MARCHF7: variants seen among roughly 807,000 people sequenced by gnomAD.
MARCHF7 encodes the protein membrane associated ring-CH-type finger 7, also known as E3 ubiquitin-protein ligase MARCHF7.
A neutral mutation model predicts 76.5 loss-of-function variants in MARCHF7; 20 were observed. The observed-to-expected ratio is 0.26, with a 90% CI of 0.18 to 0.38. MARCHF7 has a LOEUF of 0.38. MARCHF7 is among the 10% of genes least tolerant of loss of function. The pLI, the probability that MARCHF7 is intolerant of heterozygous loss-of-function variation, is 1.00. For synonymous variants in MARCHF7, 295 were observed against 293.0 expected (o/e 1.01, Z -0.07); for missense variants, 797 against 812.9 (o/e 0.98, Z 0.24).
In MARCHF7 at chr2:159,748,805, T is replaced by C. The variant is rs1197559856; in HGVS notation, c.1515T>C (p.Asp505=). ...CCGACAATGTCATGATCACAGTAGATATTATTCCTTCAGGTTGGAATTCAG... is the reference window on the plus strand; with the variant it reads ...CCGACAATGTCATGATCACAGTAGACATTATTCCTTCAGGTTGGAATTCAG... ...NLTDNVMITV[D]IIPSGWNSAD... is the part of the protein sequence containing the mutation. The change falls in exon 7 of 12, where the codon GAT becomes GAC. Residue 505 remains aspartate, a synonymous_variant. Transcript: ENST00000409175. The C allele has an allele frequency of 6.2e-7, 1 of 1,614,162 alleles. No homozygotes were observed. Among genetic ancestry groups the C allele is most frequent in the South Asian group, 1.1e-5 (1 of 91,086 alleles).
At chr2:159,737,246 G>A (rs1169495678) in intron 4 of MARCHF7, among the ~76,000 whole-genome samples, 2 of 152,118 alleles carry the variant, frequency 1.3e-5, no homozygotes, top group Non-Finnish European at 2.9e-5. Context: ...CACAGAATGA[G>A]AGAAAATATT....
At chr2:159,724,659 C>T (rs976681727) in intron 3 of MARCHF7, among the ~76,000 whole-genome samples, 1 of 152,068 alleles carries the variant, frequency 6.6e-6, no homozygotes, top group African/African-American at 2.4e-5. Context: ...TCTTTGTATT[C>T]TCACACATCC....
intron 4 of MARCHF7, among the ~76,000 whole-genome samples, chr2:159,741,330 AAC>A (rs1704097201): frequency 6.6e-6 from 1 of 152,192 alleles, no homozygotes; most frequent in African/African-American, 2.4e-5. Context: ...CAGCCTGGGC[AAC>A]AGAGTGAGAT....
At chr2:159,751,188 G>A (rs1215065143) in intron 7 of MARCHF7, among the ~76,000 whole-genome samples, 2 of 152,194 alleles carry the variant, frequency 1.3e-5, no homozygotes, top group Non-Finnish European at 2.9e-5. Flanking sequence ...ATTAATTTAA[G>A]TACAGTAGTG....
chr2:159,737,124 G>T (rs1703549742), intron 4 of MARCHF7, among the ~76,000 whole-genome samples: 1 of 152,166 alleles, frequency 6.6e-6, no homozygotes, highest in Admixed American at 6.5e-5. Context: ...CTTCCATCTA[G>T]TTTCATACGA....
intron 8 of MARCHF7, among the ~76,000 whole-genome samples, chr2:159,758,070 C>T (rs1301395434): frequency 6.6e-6 from 1 of 152,108 alleles, no homozygotes; most frequent in African/African-American, 2.4e-5. Context: ...TTTGAATCTC[C>T]AAAACCTCTA....
At chr2:159,752,754 T>G (rs1055592158) in intron 8 of MARCHF7, among the ~76,000 whole-genome samples, 183 bp downstream of exon 8, 2 of 152,222 alleles carry the variant, frequency 1.3e-5, no homozygotes, top group African/African-American at 4.8e-5. Flanking sequence ...GTAATGTGTC[T>G]TATGTTTCAT....
intron 3 of MARCHF7, among the ~76,000 whole-genome samples, chr2:159,725,698 A>G (rs757687639): frequency 3.9e-5 from 6 of 152,156 alleles, no homozygotes; most frequent in Non-Finnish European, 7.3e-5. Flanking sequence ...GCAACATCTT[A>G]AAGTTTTGTT....
rs375213077 is a variant in MARCHF7, at chr2:159,748,497, C to G, written c.1207C>G (p.Arg403Gly). The change falls in exon 7 of 12, where the codon CGA becomes GGA. Residue 403 changes from arginine (R) to glycine (G), a missense_variant. By Grantham distance (125) the Arg-to-Gly change is moderately radical. Coordinates refer to ENST00000409175, the MANE Select transcript of MARCHF7 (RefSeq NM_001282805.2). ...RCTPLFSRRR[R>G]EGRDESSRIP... ...CACACCTTTGTTCTCTAGAAGGAGG[C>G]GAGAGGGAAGAGATGAATCTTCAAG... is the stretch of plus-strand genomic sequence containing the variant. 1.2e-6 allele frequency: 2 copies of G among 1,613,924 alleles called. No individual in the cohort carries two copies.
chr2:159,741,941 G>A (rs1206143844), intron 4 of MARCHF7, among the ~76,000 whole-genome samples: 1 of 152,044 alleles, frequency 6.6e-6, no homozygotes, highest in Non-Finnish European at 1.5e-5. Context: ...TAATTACTTT[G>A]CCATGATGGA....
chr2:159,743,658 C>T (rs976854206), intron 5 of MARCHF7, among the ~76,000 whole-genome samples: 10 of 151,564 alleles, frequency 6.6e-5, no homozygotes, highest in East Asian at 3.9e-4. Context: ...TCAGAAAATA[C>T]GGAGGCTAAG....
At chr2:159,747,489 T>C (rs1297903900) in intron 6 of MARCHF7, among the ~76,000 whole-genome samples, 1 of 152,182 alleles carries the variant, frequency 6.6e-6, no homozygotes, top group Non-Finnish European at 1.5e-5. Flanking sequence ...TAGATATTAT[T>C]GTATCATACC....
At chr2:159,713,936 G>T (rs1351291458) in intron 1 of MARCHF7, among the ~76,000 whole-genome samples, 1 of 152,204 alleles carries the variant, frequency 6.6e-6, no homozygotes, top group Non-Finnish European at 1.5e-5. Flanking sequence ...TCCAAGTTTA[G>T]TGCTGGGTCA....
Position 159,748,535 on chromosome 2 carries a change from T to A in MARCHF7, c.1245T>A (p.Ser415=). 6.2e-7 allele frequency: 1 copy of A among 1,614,192 alleles called. No individual in the cohort carries two copies. Among genetic ancestry groups the A allele is most frequent in the Non-Finnish European group, 8.5e-7 (1 of 1,180,024 alleles). Residue 415 remains serine, a synonymous_variant, in exon 7 of 12, where the codon TCT becomes TCA. Coordinates refer to ENST00000409175, the MANE Select transcript of MARCHF7 (RefSeq NM_001282805.2). The part of the protein sequence containing the change: ...GRDESSRIPT[S]DTSSRSHIFR... ...ATGAATCTTCAAGGATACCTACCTC[T>A]GATACATCATCTAGATCTCATATTT...
At chr2:159,761,471 A>G (rs1187224880) in intron 9 of MARCHF7, among the ~76,000 whole-genome samples, 4 of 118,210 alleles carry the variant, frequency 3.4e-5, no homozygotes, top group Non-Finnish European at 6.5e-5. Context: ...CTGGAGTGCA[A>G]TGGCATGATC....
chr2:159,745,560 G>A (rs1331913539), intron 5 of MARCHF7, among the ~76,000 whole-genome samples: 1 of 152,198 alleles, frequency 6.6e-6, no homozygotes, highest in Non-Finnish European at 1.5e-5. Flanking sequence ...GGAGGCTGAG[G>A]CAGGAGAATC....
chr2:159,761,010 A>G (rs1430059972), intron 9 of MARCHF7, among the ~76,000 whole-genome samples: 1 of 151,794 alleles, frequency 6.6e-6, no homozygotes, highest in East Asian at 1.9e-4. Flanking sequence ...GATCTTTTGC[A>G]AGGTGATAAC....
At position 159,748,572 on chromosome 2, in the gene MARCHF7, T is replaced by G; in HGVS notation, c.1282T>G (p.Ser428Ala). Residue 428 changes from serine (S) to alanine (A), a missense_variant, in exon 7 of 12, where the codon TCA (serine) becomes GCA (alanine). By Grantham distance (99) the Ser-to-Ala change is moderately conservative. Coordinates refer to ENST00000409175, the MANE Select transcript of MARCHF7 (RefSeq NM_001282805.2). ...TAGATCTCATATTTTTAGAAGAGAA[T>G]CAAATGAAGTGGTTCACCTTGAAGC... is the stretch of plus-strand genomic sequence containing the variant. ...SSRSHIFRRE[S>A]NEVVHLEAQN... 1 of 1,614,156 alleles carries G rather than the reference T, an allele frequency of 6.2e-7. No individual in the cohort carries two copies. Among genetic ancestry groups the G allele is most frequent in the Non-Finnish European group, 8.5e-7 (1 of 1,180,024 alleles).
chr2:159,742,476 A>C (rs1466407228), intron 4 of MARCHF7, among the ~76,000 whole-genome samples: 1 of 152,190 alleles, frequency 6.6e-6, no homozygotes, highest in South Asian at 2.1e-4. Context: ...TTCATTTTCA[A>C]AAAGAAAAAA....
Sources: allele counts gnomAD v4.1 joint callset (sites outside exome capture counted in the v4.1 genomes callset), GRCh38; gene constraint gnomAD v4.1.1; transcripts MANE v1.5; gene names NCBI Gene and HGNC (gene_info 2026-07-23, HGNC 2026-07-21).